Variants in DMD observed in about 807,000 individuals in gnomAD.
DMD encodes dystrophin, also known as mutant dystrophin.
DMD carries 63 observed loss-of-function variants against 330.1 expected under a neutral mutation model. That is an observed-to-expected ratio of 0.19 (90% confidence interval 0.16 to 0.24). The LOEUF is 0.24. Among genes scored for constraint, DMD ranks in the 10% least tolerant of loss-of-function variants. The pLI, the probability that DMD is intolerant of heterozygous loss-of-function variation, is 1.00. For synonymous variants in DMD, 1,223 were observed against 959.8 expected, an observed-to-expected ratio of 1.27 and a Z score of -5.07; for missense variants, 3,344 against 2,684.1, an observed-to-expected ratio of 1.25 and a Z score of -5.43.
intron 44 of DMD, among the ~76,000 whole-genome samples, chrX:32,042,114 T>C (rs759571669): frequency 7.7e-5 from 7 of 91,248 alleles, no homozygotes; most frequent in South Asian, 1.1e-3. Context: ...TACATACATA[T>C]ACACACATAT....
Position 32,645,113 on chromosome X carries a change from A to T in DMD, c.1000T>A (p.Leu334Met), listed in dbSNP as rs1280415176. Residue 334 changes from leucine to methionine, a missense_variant, in exon 10 of 79, where the codon TTG becomes ATG. Physicochemically the swap from Leu to Met is conservative, Grantham distance 15 (BLOSUM62 2). Transcript: ENST00000357033. ...TCCAGGTTTACTTCACTCTCCATCA[A>T]TGAACTGCCAAATGACTTGTCTTCA... The part of the protein sequence containing the change: ...APEDKSFGSS[L>M]MESEVNLDRY... The T allele has an allele frequency of 1.7e-6, 2 of 1,211,607 alleles. No individual in the cohort carries two copies. The highest frequency in any genetic ancestry group is 2.3e-4 in the Middle Eastern group (1 of 4,354).
chrX:31,530,647 C>CTTTTTTTTTTTTTTTT (rs1192286078), intron 55 of DMD, among the ~76,000 whole-genome samples: 1 of 49,839 alleles, frequency 2.0e-5, no homozygotes, highest in Non-Finnish European at 3.6e-5. Context: ...ACTGGTTTCT[C>CTTTTTTTTTTTTTTTT]TTTTTTTTTT....
chrX:31,729,488 C>A (rs2086334460), intron 52 of DMD, 143 bp downstream of exon 52: 2 of 555,348 alleles, frequency 3.6e-6, no homozygotes, highest in African/African-American at 4.5e-5. Context: ...ACATTATGGA[C>A]TGAAAATCTC....
intron 30 of DMD, among the ~76,000 whole-genome samples, chrX:32,400,408 T>C (rs1221654470): frequency 1.8e-5 from 2 of 111,436 alleles, no homozygotes; most frequent in African/African-American, 6.5e-5. Flanking sequence ...AGGATAATGG[T>C]CTAAAATTCT....
intron 52 of DMD, among the ~76,000 whole-genome samples, chrX:31,725,186 G>A (rs1379989280): frequency 9.0e-6 from 1 of 110,951 alleles, no homozygotes; most frequent in Non-Finnish European, 1.9e-5. Flanking sequence ...GACAAGTTAC[G>A]TTAGCTCTCC....
chrX:31,745,634 A>G (rs772174087), intron 51 of DMD, among the ~76,000 whole-genome samples: 3 of 112,336 alleles, frequency 2.7e-5, no homozygotes, highest in South Asian at 7.4e-4. Flanking sequence ...GCACACAAGG[A>G]ACATAAATTC....
intron 71 of DMD, 40 bp from the exon 72 acceptor site, chrX:31,173,644 A>G (rs2040226437): frequency 8.6e-7 from 1 of 1,160,387 alleles, no homozygotes. Flanking sequence ...GATACCATCC[A>G]TTAATGGAGA....
At chrX:33,281,724 G>A (rs1017541756) in intron 1 of DMD, among the ~76,000 whole-genome samples, 6 of 109,391 alleles carry the variant, frequency 5.5e-5, no homozygotes, top group South Asian at 4.0e-4. Context: ...TTTACCATAC[G>A]TAGTTCAATA....
intron 43 of DMD, among the ~76,000 whole-genome samples, chrX:32,233,998 T>G (rs1221098605): frequency 9.0e-6 from 1 of 111,277 alleles, no homozygotes; most frequent in African/African-American, 3.3e-5. Flanking sequence ...TTCACCATGT[T>G]TTCCATTAAC....
intron 41 of DMD, among the ~76,000 whole-genome samples, chrX:32,334,155 G>C (rs1397732781): frequency 9.0e-6 from 1 of 110,891 alleles, no homozygotes; most frequent in Non-Finnish European, 1.9e-5. Context: ...CAACAATCTA[G>C]AAAAACATAA....
At chrX:32,170,502 T>C (rs2096883984) in intron 44 of DMD, among the ~76,000 whole-genome samples, 2 of 107,797 alleles carry the variant, frequency 1.9e-5, no homozygotes, top group South Asian at 8.0e-4. Context: ...ATTATTATTA[T>C]TACTATAAGA....
At chrX:32,572,904 A>C (rs979253014) in intron 15 of DMD, among the ~76,000 whole-genome samples, 4 of 110,848 alleles carry the variant, frequency 3.6e-5, no homozygotes, top group Non-Finnish European at 7.6e-5. Flanking sequence ...CTGGTTGTTT[A>C]AAAGAGTCTG....
At chrX:33,124,627 A>G (rs2095449922) in intron 1 of DMD, among the ~76,000 whole-genome samples, 1 of 110,088 alleles carries the variant, frequency 9.1e-6, no homozygotes, top group Non-Finnish European at 1.9e-5. Flanking sequence ...CCAAGCAGGT[A>G]TTAACTACTA....
At chrX:32,244,250 G>A (rs183500408) in intron 43 of DMD, among the ~76,000 whole-genome samples, 1,070 of 106,299 alleles carry the variant, frequency 0.01, 14 homozygotes, top group African/African-American at 0.034. Context: ...TGAGAATGAC[G>A]GTTTCCAGTT....
At chrX:32,350,777 A>G (rs1426388498) in intron 37 of DMD, among the ~76,000 whole-genome samples, 2 of 111,361 alleles carry the variant, frequency 1.8e-5, no homozygotes, top group African/African-American at 3.2e-5. Flanking sequence ...AACCTCCAGC[A>G]CAGTAGTCAA....
intron 7 of DMD, among the ~76,000 whole-genome samples, chrX:32,717,149 G>T (rs762338212): frequency 9.0e-6 from 1 of 111,373 alleles, no homozygotes; most frequent in Non-Finnish European, 1.9e-5. Flanking sequence ...TAAGTAAAAA[G>T]GAACTGAATG....
chrX:32,303,159 CAT>C (rs1218429360), intron 42 of DMD, among the ~76,000 whole-genome samples: 1 of 111,528 alleles, frequency 9.0e-6, no homozygotes, highest in Non-Finnish European at 1.9e-5. Flanking sequence ...GTAGAATGCA[CAT>C]GTCTAGATGA....
intron 62 of DMD, among the ~76,000 whole-genome samples, chrX:31,283,907 G>C (rs1476312428): frequency 9.0e-6 from 1 of 111,543 alleles, no homozygotes; most frequent in Non-Finnish European, 1.9e-5. Context: ...CTCCAACCCA[G>C]ATACAGATGC....
intron 47 of DMD, among the ~76,000 whole-genome samples, chrX:31,897,257 CT>C (rs1236846032): frequency 1.8e-5 from 2 of 111,754 alleles, no homozygotes; most frequent in Non-Finnish European, 3.8e-5. Context: ...TGAACTCATC[CT>C]TTTTTATGGC....
Sources: allele counts gnomAD v4.1 joint callset (sites outside exome capture counted in the v4.1 genomes callset), GRCh38; gene constraint gnomAD v4.1.1; transcripts MANE v1.5; gene names NCBI Gene and HGNC (gene_info 2026-07-23, HGNC 2026-07-21).